The following CHN2 variants were observed in gnomAD, a reference collection of about 807,000 sequenced individuals.
CHN2 encodes chimerin 2, also known as beta-chimaerin.
CHN2 carries 35 observed loss-of-function variants against 56.3 expected under a neutral mutation model. The observed-to-expected ratio is 0.62, with a 90% confidence interval of 0.47 to 0.82. CHN2 has a LOEUF of 0.82. Among genes scored for constraint, CHN2 ranks in the 40% least tolerant of loss-of-function variants. The pLI is 0.00. For synonymous variants in CHN2, 210 were observed against 212.8 expected (o/e 0.99, Z 0.12); for missense variants, 491 against 580.5 (o/e 0.85, Z 1.58).
chr7:29,380,479 T>C (rs1800414269), intron 3 of CHN2, among the ~76,000 whole-genome samples: 2 of 152,218 alleles, frequency 1.3e-5, no homozygotes, highest in Admixed American at 6.5e-5. Flanking sequence ...ATCTCCCAGA[T>C]TCTGTTCTCC....
chr7:29,175,774 G>GA (rs1324754751), intron 2 of CHN2, among the ~76,000 whole-genome samples: 1 of 152,090 alleles, frequency 6.6e-6, no homozygotes, highest in Non-Finnish European at 1.5e-5. Context: ...AAAAAACAGT[G>GA]AAAAATATGA....
chr7:29,186,254 A>C (rs186648415), intron 2 of CHN2, among the ~76,000 whole-genome samples: 5 of 117,054 alleles, frequency 4.3e-5, no homozygotes, highest in African/African-American at 1.4e-4. Flanking sequence ...TGTTTTAGGC[A>C]AAAAAAAAAT....
chr7:29,481,622 A>G (rs914510791), intron 7 of CHN2, among the ~76,000 whole-genome samples: 1 of 145,782 alleles, frequency 6.9e-6, no homozygotes, highest in Non-Finnish European at 1.5e-5. Flanking sequence ...GTCACTGAAT[A>G]TTGACAGGTC....
intron 6 of CHN2, among the ~76,000 whole-genome samples, chr7:29,426,742 A>C (rs1804894849): frequency 6.6e-6 from 1 of 152,254 alleles, no homozygotes; most frequent in East Asian, 1.9e-4. Context: ...GGCATGGACC[A>C]GGCGGACTCT....
chr7:29,178,051 C>T (rs187803396), intron 2 of CHN2, among the ~76,000 whole-genome samples: 5 of 152,256 alleles, frequency 3.3e-5, no homozygotes, highest in Admixed American at 3.3e-4. Context: ...TTATCTCATG[C>T]CTCACATTCC....
intron 1 of CHN2, among the ~76,000 whole-genome samples, chr7:29,243,197 T>C (rs1209041024): frequency 6.6e-6 from 1 of 152,208 alleles, no homozygotes; most frequent in African/African-American, 2.4e-5. Flanking sequence ...ATTTTTTTAA[T>C]GTTATGGGAA....
intron 6 of CHN2, among the ~76,000 whole-genome samples, chr7:29,429,825 A>C (rs1234311414): frequency 2.0e-5 from 3 of 152,242 alleles, no homozygotes; most frequent in Non-Finnish European, 4.4e-5. Flanking sequence ...AATATGGTGT[A>C]CTTTTGTGCT....
intron 2 of CHN2, among the ~76,000 whole-genome samples, chr7:29,151,938 A>G (rs147552769): frequency 2.4e-4 from 37 of 152,372 alleles, no homozygotes; most frequent in Non-Finnish European, 4.1e-4. Context: ...ACAAACAGAT[A>G]GTAAACAAAC....
intron 6 of CHN2, among the ~76,000 whole-genome samples, chr7:29,442,946 T>TC (rs1783766211): frequency 8.4e-6 from 1 of 118,664 alleles, no homozygotes; most frequent in Non-Finnish European, 1.7e-5. Flanking sequence ...TTTTTTTTTT[T>TC]TTTTTGAGAC....
At chr7:29,475,110 T>C (rs1786481236) in intron 6 of CHN2, among the ~76,000 whole-genome samples, 1 of 152,176 alleles carries the variant, frequency 6.6e-6, no homozygotes, top group African/African-American at 2.4e-5. Flanking sequence ...TCCTTGTCTA[T>C]ATCTGACAAC....
chr7:29,429,363 C>G (rs1035204362), intron 6 of CHN2, among the ~76,000 whole-genome samples: 8 of 152,160 alleles, frequency 5.3e-5, no homozygotes, highest in Non-Finnish European at 1.2e-4. Context: ...GTGAAATAGT[C>G]TATAAACATT....
rs1480711845 is a variant in CHN2, at chr7:29,212,426, T to G, written c.49+17436T>G. 8 of 1,607,436 alleles carry G rather than the reference T, an allele frequency of 5.0e-6. No individual in the cohort carries two copies. The South Asian group carries it at 6.6e-5, about 13-fold the overall frequency. ...ACTATCCATCCTTGCAAATGTCTTC[T>G]GCTGAGATGCCTCACACGGAGACTG... On this transcript the variant is annotated intron_variant, in intron 1 of 12. Coordinates refer to ENST00000222792, the MANE Select transcript of CHN2 (RefSeq NM_004067.4).
intron 6 of CHN2, among the ~76,000 whole-genome samples, chr7:29,421,167 T>G (rs556088281): frequency 6.6e-6 from 1 of 152,256 alleles, no homozygotes; most frequent in Non-Finnish European, 1.5e-5. Context: ...CCAACACCTT[T>G]CTTGTACTTT....
chr7:29,298,403 G>C (rs960310136), intron 1 of CHN2, among the ~76,000 whole-genome samples: 1 of 152,146 alleles, frequency 6.6e-6, no homozygotes, highest in South Asian at 2.1e-4. Context: ...GTTTCGGGGG[G>C]GTTGCATGGA....
intron 2 of CHN2, among the ~76,000 whole-genome samples, chr7:29,169,773 C>T (rs959574112): frequency 6.6e-6 from 1 of 151,812 alleles, no homozygotes; most frequent in Non-Finnish European, 1.5e-5. Context: ...GCTGGTGTGC[C>T]TATAGACCTT....
chr7:29,209,127 A>G (rs1013560022), intron 1 of CHN2, among the ~76,000 whole-genome samples: 1 of 147,468 alleles, frequency 6.8e-6, no homozygotes, highest in African/African-American at 2.5e-5. Flanking sequence ...CCCTGGATGT[A>G]CTTAGTCCAG....
rs1299835672 is a variant in CHN2 at position 29,354,660 on chromosome 7, T to A, written c.85T>A (p.Tyr29Asn). ...EEYQPPIWKSYLYQLQQEAPR... is the reference protein window; with the variant it reads ...EEYQPPIWKSNLYQLQQEAPR... ...ATACCAGCCTCCTATATGGAAATCA[T>A]ACTGTGAGTACCTGAAATGAAAATC... Residue 29 changes from tyrosine (Y) to asparagine (N), a missense_variant, in exon 2 of 13, where the codon TAC becomes AAC. Physicochemically the swap from Tyr to Asn is moderately radical, Grantham distance 143. Coordinates refer to ENST00000222792, the MANE Select transcript of CHN2 (RefSeq NM_004067.4). 3.7e-6 allele frequency: 6 copies of A among 1,611,986 alleles called. No homozygotes were observed. Among genetic ancestry groups the A allele is most frequent in the Non-Finnish European group, 5.1e-6 (6 of 1,179,038 alleles).
chr7:29,326,126 ATTATTGT>A (rs1195048143), intron 1 of CHN2, among the ~76,000 whole-genome samples: 1 of 92,200 alleles, frequency 1.1e-5, no homozygotes, highest in Non-Finnish European at 2.5e-5. Flanking sequence ...TTTTAGAGAA[ATTATTGT>A]TTGTTTGTTT....
chr7:29,238,722 A>C (rs1787403653), intron 1 of CHN2, among the ~76,000 whole-genome samples: 1 of 152,224 alleles, frequency 6.6e-6, no homozygotes, highest in Admixed American at 6.5e-5. Flanking sequence ...GGCCTTCCCA[A>C]GGTGGGGACT....
Sources: gnomAD v4.1 joint callset for allele counts (sites outside exome capture counted in the v4.1 genomes callset) on GRCh38, gnomAD v4.1.1 for gene constraint, MANE v1.5 for transcripts, NCBI Gene and HGNC (gene_info 2026-07-23, HGNC 2026-07-21) for gene names.